The following SOX6 variants were observed in gnomAD, a reference collection of about 807,000 sequenced individuals.
SOX6 encodes the protein SRY-box transcription factor 6.
SOX6 carries 11 observed loss-of-function variants against 97.8 expected under a neutral mutation model. That is an observed-to-expected ratio of 0.11 (90% CI 0.07 to 0.19). The LOEUF is 0.19. Among genes scored for constraint, SOX6 ranks in the 10% least tolerant of loss-of-function variants. The pLI, the probability that SOX6 is intolerant of heterozygous loss-of-function variation, is 1.00. For synonymous variants in SOX6, 360 were observed against 371.4 expected (o/e 0.97, Z 0.35); for missense variants, 810 against 1,039.5 (o/e 0.78, Z 3.04).
At chr11:16,072,328 A>T (rs541220732) in intron 9 of SOX6, among the ~76,000 whole-genome samples, 1 of 152,340 alleles carries the variant, frequency 6.6e-6, no homozygotes, top group Admixed American at 6.5e-5. Context: ...GAATCTACCA[A>T]GTTGAGGAAA....
rs140349010 is a variant in SOX6 at position 16,451,983 on chromosome 11, A to AAACTAAATAAATAAATAAAT, written c.-5+24331_-5+24332insATTTATTTATTTATTTAGTT. Among the ~76,000 whole-genome samples the AAACTAAATAAATAAATAAAT allele has an allele frequency of 1.4e-3, 196 of 143,906 alleles. 1 individual carries two copies. Among genetic ancestry groups the AAACTAAATAAATAAATAAAT allele is most frequent in the African/African-American group, 4.8e-3 (185 of 38,514 alleles). 94.4% of individuals were successfully genotyped at this position (143,906 alleles called of 152,430 possible). ...GGGTGACAGAGCAAGACCCTATCTA[A>AAACTAAATAAATAAATAAAT]AAATAAATAAATAAATAAATAAATA... On this transcript the variant is annotated intron_variant, in intron 1 of 15. Coordinates refer to the SOX6 transcript ENST00000396356.
At chr11:16,075,988 G>A (rs1848343366) in intron 9 of SOX6, among the ~76,000 whole-genome samples, 1 of 152,030 alleles carries the variant, frequency 6.6e-6, no homozygotes, top group African/African-American at 2.4e-5. Context: ...CATGACATGT[G>A]GGGATTATGG....
At chr11:16,015,478 T>C (rs1050575564) in intron 12 of SOX6, among the ~76,000 whole-genome samples, 6 of 151,984 alleles carry the variant, frequency 3.9e-5, no homozygotes, top group African/African-American at 1.4e-4. Context: ...CCTGGGGAAA[T>C]ACAAATCAGA....
At chr11:16,268,048 G>C (rs1854136024) in intron 3 of SOX6, among the ~76,000 whole-genome samples, 1 of 151,304 alleles carries the variant, frequency 6.6e-6, no homozygotes, top group Non-Finnish European at 1.5e-5. Context: ...AGGGTATGGG[G>C]AAATGGAGAG....
chr11:16,486,101 T>C (rs1347556947), intron 4 of SOX6, among the ~76,000 whole-genome samples: 1 of 151,484 alleles, frequency 6.6e-6, no homozygotes, highest in Non-Finnish European at 1.5e-5. Flanking sequence ...GACCACAAAC[T>C]TCCAAAAACT....
chr11:16,286,373 CAAG>C (rs1392932734), intron 3 of SOX6, among the ~76,000 whole-genome samples: 1 of 152,046 alleles, frequency 6.6e-6, no homozygotes, highest in Non-Finnish European at 1.5e-5. Flanking sequence ...TAGTACATAT[CAAG>C]AAGAAGAGGA....
At chr11:16,611,290 G>C (rs375432335) in intron 4 of SOX6, among the ~76,000 whole-genome samples, 1 of 152,146 alleles carries the variant, frequency 6.6e-6, no homozygotes, top group Admixed American at 6.5e-5. Context: ...TTAAAACCTC[G>C]AATTCCCGCT....
At chr11:16,141,083 T>C (rs1416934623) in intron 6 of SOX6, among the ~76,000 whole-genome samples, 1 of 150,492 alleles carries the variant, frequency 6.6e-6, no homozygotes. Flanking sequence ...TGCTGCACTC[T>C]AGCCTAGGCA....
chr11:16,350,264 A>T (rs571125321), intron 1 of SOX6, among the ~76,000 whole-genome samples: 1 of 152,222 alleles, frequency 6.6e-6, no homozygotes, highest in East Asian at 1.9e-4. Flanking sequence ...AGATGAAGAC[A>T]TTGGTTGAAC....
intron 6 of SOX6, among the ~76,000 whole-genome samples, chr11:16,170,116 G>A (rs1408723330): frequency 6.6e-6 from 1 of 151,996 alleles, no homozygotes; most frequent in African/African-American, 2.4e-5. Context: ...GTTCACATAT[G>A]AGAGAAATTA....
intron 4 of SOX6, among the ~76,000 whole-genome samples, chr11:16,488,011 T>G (rs1456941480): frequency 6.6e-6 from 1 of 152,214 alleles, no homozygotes; most frequent in East Asian, 1.9e-4. Context: ...CAACATAGTC[T>G]CAACTTGCAT....
At chr11:16,065,301 C>T (rs1041391796) in intron 9 of SOX6, among the ~76,000 whole-genome samples, 12 of 151,622 alleles carry the variant, frequency 7.9e-5, no homozygotes, top group African/African-American at 2.9e-4. Flanking sequence ...TAAAAATTAA[C>T]TAAAAAAGTA....
chr11:16,136,937 A>G (rs1394825417), intron 6 of SOX6, among the ~76,000 whole-genome samples: 1 of 152,222 alleles, frequency 6.6e-6, no homozygotes, highest in African/African-American at 2.4e-5. Context: ...CTGTTGTAAG[A>G]AAAATGAAGC....
chr11:16,634,574 T>C (rs2133998328), intron 3 of SOX6, among the ~76,000 whole-genome samples: 1 of 152,354 alleles, frequency 6.6e-6, no homozygotes, highest in East Asian at 1.9e-4. Context: ...TTACTAGGTT[T>C]TATTTAATCA....
upstream of SOX6, among the ~76,000 whole-genome samples, chr11:16,478,492 C>T (rs1006709873): frequency 6.6e-6 from 1 of 152,290 alleles, no homozygotes; most frequent in Non-Finnish European, 1.5e-5. Flanking sequence ...TACACCAATA[C>T]AAAGTCAATA....
rs34115428 is a variant in SOX6 at position 16,356,219 on chromosome 11, C to CAA, written c.-132_-131dup. On this transcript the variant is annotated 5_prime_UTR_variant, in exon 1 of 16. Coordinates refer to ENST00000683767, the MANE Select transcript of SOX6 (RefSeq NM_001367873.1). ...TCACAAGAAACCTCTGACTGCCAAC[C>CAA]AAAAAAAAAAAAAACCCAACCCCAC... Among the ~76,000 whole-genome samples, 4 of 126,886 alleles carry CAA rather than the reference C, an allele frequency of 3.2e-5. No homozygotes were observed. The highest frequency in any genetic ancestry group is 8.6e-5 in the African/African-American group (3 of 34,708). 83.2% of individuals were successfully genotyped at this position (126,886 alleles called of 152,430 possible).
At chr11:16,056,148 C>T (rs1847810558) in intron 9 of SOX6, among the ~76,000 whole-genome samples, 1 of 151,660 alleles carries the variant, frequency 6.6e-6, no homozygotes, top group African/African-American at 2.4e-5. Context: ...AGGATTTGAT[C>T]TCTTTAGAAT....
intron 2 of SOX6, among the ~76,000 whole-genome samples, chr11:16,731,140 C>G: frequency 6.6e-6 from 1 of 152,040 alleles, no homozygotes; most frequent in Non-Finnish European, 1.5e-5. Flanking sequence ...CAGGACCAGA[C>G]AGATTCACAG....
upstream of SOX6, among the ~76,000 whole-genome samples, chr11:16,359,866 T>C (rs1857164918): frequency 6.6e-6 from 1 of 152,192 alleles, no homozygotes; most frequent in Non-Finnish European, 1.5e-5. Flanking sequence ...CAGTACCTCA[T>C]TAAATCTCAA....
Sources: gnomAD v4.1 joint callset for allele counts (sites outside exome capture counted in the v4.1 genomes callset) on GRCh38, gnomAD v4.1.1 for gene constraint, MANE v1.5 for transcripts, NCBI Gene and HGNC (gene_info 2026-07-23, HGNC 2026-07-21) for gene names.